The following PCSK5 variants were observed in gnomAD, a reference collection of about 807,000 sequenced individuals.
PCSK5 encodes prohormone convertase 5.
In PCSK5, 129 loss-of-function variants were observed where a neutral mutation model predicts 233.2. The observed-to-expected ratio is 0.55, with a 90% CI of 0.48 to 0.64. PCSK5 has a LOEUF of 0.64. Among genes scored for constraint, PCSK5 ranks in the 30% least tolerant of loss-of-function variants. The pLI is 0.00. For missense variants in PCSK5, 2,076 were observed against 2,430.1 expected (o/e 0.85, Z 3.06); for synonymous variants, 825 against 879.2 (o/e 0.94, Z 1.09).
At chr9:76,282,414 G>A (rs1018573067) in intron 24 of PCSK5, among the ~76,000 whole-genome samples, 4 of 145,416 alleles carry the variant, frequency 2.8e-5, no homozygotes, top group African/African-American at 1.0e-4. Context: ...TGACCTCCGA[G>A]GCTAACGCAA....
At chr9:75,910,302 T>C (rs1209696053) in intron 1 of PCSK5, among the ~76,000 whole-genome samples, 1 of 152,212 alleles carries the variant, frequency 6.6e-6, no homozygotes, top group Non-Finnish European at 1.5e-5. Context: ...AACTCCAGCA[T>C]ACATTTTGCT....
At position 75,913,180 on chromosome 9, in the gene PCSK5, G is replaced by T. The variant is rs113896841; in HGVS notation, c.193-19199G>T. On this transcript the variant is annotated intron_variant, in intron 1 of 37. Transcript: ENST00000674117. ...CTTCCTCAGCACCTGGTATGCTGCT[G>T]GCTGTTCCCACAGAGCTCAGAGCTT... Among the ~76,000 whole-genome samples the T allele has an allele frequency of 6.6e-5, 10 of 152,258 alleles. 1 individual carries two copies. The highest frequency in any genetic ancestry group is 2.4e-4 in the African/African-American group (10 of 41,558).
At chr9:76,039,440 C>T (rs960054204) in intron 5 of PCSK5, among the ~76,000 whole-genome samples, 38 of 152,250 alleles carry the variant, frequency 2.5e-4, no homozygotes, top group Admixed American at 1.4e-3. Context: ...ATAGGTTTCT[C>T]AAATACATTT....
At chr9:76,158,267 CAGGG>C (rs1822694101) in intron 11 of PCSK5, among the ~76,000 whole-genome samples, 1 of 152,086 alleles carries the variant, frequency 6.6e-6, no homozygotes, top group African/African-American at 2.4e-5. Context: ...ATGAAGGTCT[CAGGG>C]AGGGGAAATT....
chr9:76,021,069 C>G (rs989611267), intron 3 of PCSK5, among the ~76,000 whole-genome samples: 1 of 152,140 alleles, frequency 6.6e-6, no homozygotes, highest in African/African-American at 2.4e-5. Flanking sequence ...CTTTGTTAAC[C>G]AAGTGTTTGC....
intron 19 of PCSK5, 91 bp downstream of exon 19, chr9:76,189,314 T>C: frequency 1.8e-6 from 2 of 1,094,576 alleles, no homozygotes; most frequent in Non-Finnish European, 2.7e-6. Flanking sequence ...TTAGAATTTG[T>C]AATGATAACA....
At chr9:76,064,166 G>A (rs1229550786) in intron 5 of PCSK5, among the ~76,000 whole-genome samples, 2 of 116,404 alleles carry the variant, frequency 1.7e-5, no homozygotes, top group East Asian at 2.8e-4. Flanking sequence ...CGGACGGGGC[G>A]GCTGGCCAGG....
intron 2 of PCSK5, among the ~76,000 whole-genome samples, chr9:75,955,295 G>A (rs1825047367): frequency 6.6e-6 from 1 of 152,112 alleles, no homozygotes; most frequent in Non-Finnish European, 1.5e-5. Flanking sequence ...CAGGAAGGGG[G>A]AAAGGAACAA....
intron 24 of PCSK5, among the ~76,000 whole-genome samples, chr9:76,276,644 C>G (rs963269418): frequency 1.3e-5 from 2 of 152,172 alleles, no homozygotes; most frequent in African/African-American, 4.8e-5. Flanking sequence ...ATTCGAATCT[C>G]TACTCAGATG....
At chr9:75,927,333 G>A (rs1454894153) in intron 1 of PCSK5, among the ~76,000 whole-genome samples, 1 of 152,138 alleles carries the variant, frequency 6.6e-6, no homozygotes, top group African/African-American at 2.4e-5. Context: ...GAATTTGGAG[G>A]AATCTATAAA....
At chr9:76,215,804 G>C (rs1176447936) in intron 20 of PCSK5, among the ~76,000 whole-genome samples, 1 of 152,076 alleles carries the variant, frequency 6.6e-6, no homozygotes, top group East Asian at 1.9e-4. Flanking sequence ...GCTGAGTGTG[G>C]TAGCACACAC....
chr9:76,307,808 T>C (rs1828746840), intron 28 of PCSK5, among the ~76,000 whole-genome samples: 1 of 151,486 alleles, frequency 6.6e-6, no homozygotes, highest in African/African-American at 2.4e-5. Flanking sequence ...AATAATAAAA[T>C]CTGATTTTCA....
At chr9:76,345,478 G>T (rs1271929211) in intron 35 of PCSK5, among the ~76,000 whole-genome samples, 1 of 152,180 alleles carries the variant, frequency 6.6e-6, no homozygotes, top group African/African-American at 2.4e-5. Context: ...GAGTGCAGTG[G>T]CGCAATCTTG....
chr9:75,945,604 A>ATT (rs564922041), intron 2 of PCSK5, among the ~76,000 whole-genome samples: 2 of 57,842 alleles, frequency 3.5e-5, no homozygotes, highest in African/African-American at 7.7e-5. Flanking sequence ...TTCAAAAGAG[A>ATT]TTTTTTTTTA....
chr9:76,275,531 T>C (rs1827663514), intron 24 of PCSK5, among the ~76,000 whole-genome samples: 1 of 152,172 alleles, frequency 6.6e-6, no homozygotes, highest in South Asian at 2.1e-4. Flanking sequence ...TTCAAGTGAT[T>C]CTCCTGCCTC....
chr9:75,897,384 G>A (rs1825851619), intron 1 of PCSK5, among the ~76,000 whole-genome samples: 1 of 151,736 alleles, frequency 6.6e-6, no homozygotes, highest in Non-Finnish European at 1.5e-5. Flanking sequence ...CAGGGGAGGG[G>A]GCAACTGACA....
intron 3 of PCSK5, among the ~76,000 whole-genome samples, chr9:75,997,619 G>A (rs1827076917): frequency 6.6e-6 from 1 of 152,160 alleles, no homozygotes; most frequent in Non-Finnish European, 1.5e-5. Context: ...ATTAATTACT[G>A]AAACAGGATT....
intron 5 of PCSK5, among the ~76,000 whole-genome samples, chr9:76,051,641 A>G (rs1829634496): frequency 6.6e-6 from 1 of 152,090 alleles, no homozygotes; most frequent in Non-Finnish European, 1.5e-5. Flanking sequence ...TGACCCCTCC[A>G]ATTTCAAGGA....
intron 24 of PCSK5, among the ~76,000 whole-genome samples, chr9:76,269,207 G>A (rs1232242103): frequency 6.6e-6 from 1 of 152,212 alleles, no homozygotes; most frequent in Non-Finnish European, 1.5e-5. Flanking sequence ...AACATTGTTT[G>A]TGCTGGCTGA....
Sources: gnomAD v4.1 joint callset for allele counts (sites outside exome capture counted in the v4.1 genomes callset) on GRCh38, gnomAD v4.1.1 for gene constraint, MANE v1.5 for transcripts, NCBI Gene and HGNC (gene_info 2026-07-23, HGNC 2026-07-21) for gene names.